Variants in STAT3 observed in about 807,000 individuals in gnomAD.
STAT3 encodes the protein signal transducer and activator of transcription 3, also known as DNA-binding protein APRF.
In STAT3, 7 loss-of-function variants were observed where a neutral mutation model predicts 114.3. The ratio of observed to expected loss-of-function variants is 0.06; its 90% CI spans 0.03 to 0.11. The LOEUF (loss-of-function observed/expected upper bound fraction) is 0.11. Ranked by LOEUF, STAT3 falls within the 10% of genes least tolerant of loss-of-function variation. The probability of loss-of-function intolerance (pLI) is 1.00; values close to 1 mark genes in which losing one functional copy is unlikely to be tolerated. For missense variants in STAT3, 364 were observed against 960.9 expected (o/e 0.38, Z 8.21); for synonymous variants, 331 against 354.5 (o/e 0.93, Z 0.74).
At chr17:42,352,097 T>C (rs1373935460) in intron 1 of STAT3, among the ~76,000 whole-genome samples, 2 of 151,944 alleles carry the variant, frequency 1.3e-5, no homozygotes, top group East Asian at 1.9e-4. Context: ...TCCCAGAACT[T>C]TGGGAGGCCG....
chr17:42,315,605 A>C lies in STAT3; in HGVS notation c.*140T>G. The stretch of plus-strand genomic sequence containing the variant: ...AAAAGTGCCCAGATTGCTCAAAGAT[A>C]GCAGAAGTAGGAGATTAAAAAAAAT... On this transcript the variant is annotated 3_prime_UTR_variant, in exon 24 of 24. Transcript: ENST00000264657. 1.2e-6 allele frequency: 1 copy of C among 816,712 alleles called. No homozygotes were observed. Among genetic ancestry groups the C allele is most frequent in the Non-Finnish European group, 2.1e-6 (1 of 480,174 alleles). The allele number at this position is 816,712 out of a possible 1,614,324, so 50.6% of individuals were successfully genotyped here.
At chr17:42,340,710 G>C (rs1332249712) in intron 4 of STAT3, among the ~76,000 whole-genome samples, 1 of 152,034 alleles carries the variant, frequency 6.6e-6, no homozygotes, top group Non-Finnish European at 1.5e-5. Context: ...TAGAAGTTTT[G>C]GGAAGGTGAC....
chr17:42,367,457 C>A (rs966821767), intron 1 of STAT3, among the ~76,000 whole-genome samples: 1 of 152,118 alleles, frequency 6.6e-6, no homozygotes, highest in African/African-American at 2.4e-5. Flanking sequence ...AGATGTCTCT[C>A]TTTGCCTCCT....
intron 4 of STAT3, among the ~76,000 whole-genome samples, chr17:42,344,748 C>T (rs1284912264): frequency 2.7e-5 from 4 of 150,510 alleles, no homozygotes; most frequent in Non-Finnish European, 5.9e-5. Context: ...GATGAGGTCT[C>T]GCTACATTGC....
intron 11 of STAT3, 59 bp from the exon 12 acceptor site, chr17:42,329,835 C>T (rs1445409745): frequency 6.3e-7 from 1 of 1,577,334 alleles, no homozygotes; most frequent in African/African-American, 1.3e-5. Flanking sequence ...AAAAAGCCTA[C>T]TTTGACCACC....
rs886052932 is a variant in STAT3 at position 42,313,601 on chromosome 17, G to A, written c.*2144C>T. ...GCCTGAGGACCCTGTTCTTTAATGGGCCACAACAGGGCTCAGCTCCTCTCA... is the reference window on the plus strand; with the variant it reads ...GCCTGAGGACCCTGTTCTTTAATGGACCACAACAGGGCTCAGCTCCTCTCA... On this transcript the variant is annotated 3_prime_UTR_variant, in exon 24 of 24. Coordinates refer to ENST00000264657, the MANE Select transcript of STAT3 (RefSeq NM_139276.3). The A allele has an allele frequency of 2.6e-4, 61 of 230,286 alleles. No homozygotes were observed. The highest frequency in any genetic ancestry group is 1.7e-4 in the Admixed American group (3 of 17,660). 14.3% of individuals were successfully genotyped at this position (230,286 alleles called of 1,614,324 possible). A position where few individuals can be genotyped will look rare whatever the true frequency, so the allele number is the denominator to read the frequency against.
chr17:42,330,821 A>T (rs942349719), intron 11 of STAT3, among the ~76,000 whole-genome samples: 1 of 152,188 alleles, frequency 6.6e-6, no homozygotes, highest in Non-Finnish European at 1.5e-5. Flanking sequence ...TATATGGTAA[A>T]GTGTGGAACA....
intron 1 of STAT3, among the ~76,000 whole-genome samples, chr17:42,380,206 T>C (rs1213122448): frequency 6.6e-6 from 1 of 151,334 alleles, no homozygotes; most frequent in South Asian, 2.1e-4. Flanking sequence ...CAGGCTAAAT[T>C]TTATATTTTT....
Position 42,339,468 on chromosome 17 carries a change from C to T in STAT3, c.373-59G>A, listed in dbSNP as rs1567723487. 7 of 1,555,594 alleles carry T rather than the reference C, an allele frequency of 4.5e-6. No homozygotes were observed. In the South Asian group the frequency reaches 6.7e-5, roughly 15 times the overall value. ...CAGAACTATGGGGAGAGGAATACCT[C>T]TACCCAGCTTCCATCCCACCCTAAC... is the stretch of plus-strand genomic sequence containing the variant. On this transcript the variant is annotated intron_variant, in intron 4 of 23. Coordinates refer to ENST00000264657, the MANE Select transcript of STAT3 (RefSeq NM_139276.3).
In STAT3 at chr17:42,352,294, G is replaced by A. The variant is rs373468369; in HGVS notation, c.-23-3755C>T. On this transcript the variant is annotated intron_variant, in intron 1 of 23. Coordinates refer to ENST00000264657, the MANE Select transcript of STAT3 (RefSeq NM_139276.3). Reference sequence around the variant, plus strand: ...GTGGAGGTTGTAGTGAGCCGAGATCGCACCACTGCACTCCAGCCTGGGCAA... The same window carrying A: ...GTGGAGGTTGTAGTGAGCCGAGATCACACCACTGCACTCCAGCCTGGGCAA... Among the ~76,000 whole-genome samples, 8 of 151,932 alleles carry A rather than the reference G, an allele frequency of 5.3e-5. No homozygotes were observed. The East Asian group carries it at 5.8e-4, about 11-fold the overall frequency.
chr17:42,333,553 A>C lies in STAT3; in HGVS notation c.1049+120T>G. ...GTATGGCAACAAATTTCAACCCCGC[A>C]ACAGTGTACTGCCTGTGACACCACA... On this transcript the variant is annotated intron_variant, in intron 10 of 23. Transcript: ENST00000264657. The surrounding 1 kb of genome is among the most constrained non-coding windows in gnomAD (Gnocchi z 5.2). 1 of 1,145,038 alleles carries C rather than the reference A, an allele frequency of 8.7e-7. No homozygotes were observed. The highest frequency in any genetic ancestry group is 1.3e-6 in the Non-Finnish European group (1 of 777,908). The allele number at this position is 1,145,038 out of a possible 1,614,324, so 70.9% of individuals were successfully genotyped here. A position where few individuals can be genotyped will look rare whatever the true frequency, so the allele number is the denominator to read the frequency against.
chr17:42,315,551 C>T lies in STAT3; in HGVS notation c.*194G>A, dbSNP rs1260262107. On this transcript the variant is annotated 3_prime_UTR_variant, in exon 24 of 24. Transcript: ENST00000264657. ...TATTTGCATTTAGATAAAAGCAGAT[C>T]ACCCACATTCACTCATTTCTCTATT... 5 of 645,386 alleles carry T rather than the reference C, an allele frequency of 7.7e-6. No homozygotes were observed. Among genetic ancestry groups the T allele is most frequent in the Admixed American group, 7.3e-5 (3 of 41,378 alleles). The allele number at this position is 645,386 out of a possible 1,614,324, so 40.0% of individuals were successfully genotyped here. A position where few individuals can be genotyped will look rare whatever the true frequency, so the allele number is the denominator to read the frequency against.
intron 1 of STAT3, 131 bp from the exon 2 acceptor site, chr17:42,348,670 C>T: frequency 9.7e-7 from 1 of 1,029,908 alleles, no homozygotes; most frequent in Non-Finnish European, 1.4e-6. Flanking sequence ...GACCCTGCTT[C>T]TTTCTCCCAG....
Position 42,348,559 on chromosome 17 carries a change from T to A in STAT3, c.-23-20A>T. 2 of 1,612,056 alleles carry A rather than the reference T, an allele frequency of 1.2e-6. No individual in the cohort carries two copies. The highest frequency in any genetic ancestry group is 8.5e-7 in the Non-Finnish European group (1 of 1,179,832). ...TCCCAACTGTAAACCAAAGTGTGCA[T>A]ATGTTCACCACAAGTCCCAGTAGGG... On this transcript the variant is annotated intron_variant, in intron 1 of 23. Coordinates refer to ENST00000264657, the MANE Select transcript of STAT3 (RefSeq NM_139276.3).
intron 4 of STAT3, among the ~76,000 whole-genome samples, chr17:42,340,314 C>T (rs1383912868): frequency 1.3e-5 from 2 of 150,118 alleles, no homozygotes; most frequent in East Asian, 3.9e-4. Flanking sequence ...CAAGACTGCG[C>T]CATGCACTCC....
intron 1 of STAT3, among the ~76,000 whole-genome samples, chr17:42,354,213 G>A (rs1399718471): frequency 2.3e-5 from 3 of 131,254 alleles, no homozygotes; most frequent in African/African-American, 6.1e-5. Context: ...ACTGTCACCC[G>A]GGCTGGTGTG....
chr17:42,356,169 A>G (rs1477442084), intron 1 of STAT3, among the ~76,000 whole-genome samples: 1 of 152,236 alleles, frequency 6.6e-6, no homozygotes, highest in Admixed American at 6.5e-5. Flanking sequence ...TGAATTCTAT[A>G]GGAACCAGTC....
At chr17:42,330,423 C>CTCTTT (rs1279931801) in intron 11 of STAT3, among the ~76,000 whole-genome samples, 1 of 139,454 alleles carries the variant, frequency 7.2e-6, no homozygotes, top group Non-Finnish European at 1.6e-5. Context: ...GCCACATTTT[C>CTCTTT]TCTTTTCTTT....
At chr17:42,354,822 A>AAAAAAAAAAAAT in intron 1 of STAT3, among the ~76,000 whole-genome samples, 2 of 151,558 alleles carry the variant, frequency 1.3e-5, no homozygotes, top group East Asian at 3.9e-4. Flanking sequence ...AAAAAAAAAG[A>AAAAAAAAAAAAT]AGGCACCAGG....
Sources: allele counts gnomAD v4.1 joint callset (sites outside exome capture counted in the v4.1 genomes callset), GRCh38; gene constraint gnomAD v4.1.1; non-coding constraint Gnocchi (gnomAD v3.1); transcripts MANE v1.5; gene names NCBI Gene and HGNC (gene_info 2026-07-23, HGNC 2026-07-21).